Variants in SUCLG2 observed in about 807,000 individuals in gnomAD.
SUCLG2 encodes succinate-CoA ligase GDP-forming subunit beta.
A neutral mutation model predicts 47.9 loss-of-function variants in SUCLG2; 42 were observed. That is an observed-to-expected ratio of 0.88 (90% CI 0.69 to 1.14). The LOEUF (loss-of-function observed/expected upper bound fraction) is 1.14. SUCLG2 is among the 50% of genes most tolerant of loss of function. The probability of loss-of-function intolerance (pLI) is 0.00; values close to 1 mark genes in which losing one functional copy is unlikely to be tolerated. For synonymous variants in SUCLG2, 195 were observed against 197.3 expected, an observed-to-expected ratio of 0.99 and a Z score of 0.10; for missense variants, 571 against 525.9, an observed-to-expected ratio of 1.09 and a Z score of -0.84.
intron 2 of SUCLG2, among the ~76,000 whole-genome samples, chr3:67,540,782 C>T (rs1456057723): frequency 6.6e-6 from 1 of 152,202 alleles, no homozygotes; most frequent in Non-Finnish European, 1.5e-5. Context: ...TCGACAGACA[C>T]CTCATACAGG....
chr3:67,528,999 A>G, intron 3 of SUCLG2, 88 bp downstream of exon 3: 1 of 1,187,876 alleles, frequency 8.4e-7, no homozygotes, highest in African/African-American at 1.5e-5. Context: ...ACCCCACCAC[A>G]ACCAACCTCA....
intron 1 of SUCLG2, among the ~76,000 whole-genome samples, chr3:67,639,673 C>A (rs916271949): frequency 6.6e-6 from 1 of 152,164 alleles, no homozygotes; most frequent in Non-Finnish European, 1.5e-5. Flanking sequence ...CATAGCTGTC[C>A]TGTGGAATTA....
intron 9 of SUCLG2, among the ~76,000 whole-genome samples, chr3:67,437,825 T>G (rs1703662274): frequency 1.3e-5 from 2 of 152,150 alleles, no homozygotes; most frequent in African/African-American, 4.8e-5. Context: ...ACTGAGCCAC[T>G]ATGAAATATC....
intron 9 of SUCLG2, among the ~76,000 whole-genome samples, chr3:67,438,456 G>T (rs1158997559): frequency 1.3e-5 from 2 of 150,918 alleles, no homozygotes; most frequent in Admixed American, 6.6e-5. Context: ...TCCAAGAGCT[G>T]TTTTTTTTTA....
At chr3:67,619,652 C>T (rs762084346) in intron 1 of SUCLG2, among the ~76,000 whole-genome samples, 23 of 152,148 alleles carry the variant, frequency 1.5e-4, no homozygotes, top group Non-Finnish European at 2.5e-4. Context: ...AAAGATACTG[C>T]CTTGTTCTTT....
intron 2 of SUCLG2, among the ~76,000 whole-genome samples, chr3:67,545,204 G>A (rs1198256052): frequency 6.6e-6 from 1 of 152,124 alleles, no homozygotes; most frequent in Non-Finnish European, 1.5e-5. Flanking sequence ...CTTTAAATCT[G>A]CTATAATTCC....
chr3:67,429,215 T>C (rs765742009), intron 9 of SUCLG2, among the ~76,000 whole-genome samples: 15 of 152,162 alleles, frequency 9.9e-5, no homozygotes, highest in Non-Finnish European at 1.6e-4. Context: ...AGTCGGGTTA[T>C]CCACAAAGGG....
chr3:67,635,401 C>A (rs1250092367), intron 1 of SUCLG2, among the ~76,000 whole-genome samples: 2 of 152,164 alleles, frequency 1.3e-5, no homozygotes, highest in Non-Finnish European at 1.5e-5. Context: ...TTGTGTGTAT[C>A]AGACATAAGT....
rs550324404 is a variant in SUCLG2 at position 67,580,150 on chromosome 3, T to C, written c.226+29305A>G. ...CTAATACATTTTTAAAAATCAAACTTCATGGAATAAAGAATACAACGTAAA... is the reference window on the plus strand; with the variant it reads ...CTAATACATTTTTAAAAATCAAACTCCATGGAATAAAGAATACAACGTAAA... On this transcript the variant is annotated intron_variant, in intron 2 of 10. Coordinates refer to ENST00000307227, the MANE Select transcript of SUCLG2 (RefSeq NM_003848.4). 3.9e-5 allele frequency among the ~76,000 whole-genome samples: 6 copies of C among 152,310 alleles called. 1 individual carries two copies. The highest frequency in any genetic ancestry group is 1.4e-4 in the African/African-American group (6 of 41,560).
intron 2 of SUCLG2, among the ~76,000 whole-genome samples, chr3:67,585,932 A>C (rs910535902): frequency 4.5e-4 from 62 of 137,264 alleles, no homozygotes; most frequent in Middle Eastern, 4.3e-3. Context: ...ATGCCACTGC[A>C]CTCCAGCCTG....
intron 1 of SUCLG2, among the ~76,000 whole-genome samples, chr3:67,649,950 C>A (rs77127287): frequency 0.022 from 3,423 of 152,256 alleles, 118 homozygotes; most frequent in African/African-American, 0.078. Flanking sequence ...GGAATGTTCT[C>A]ACTACTGTGG....
At chr3:67,382,831 C>T (rs1318654771) in intron 10 of SUCLG2, among the ~76,000 whole-genome samples, 1 of 152,130 alleles carries the variant, frequency 6.6e-6, no homozygotes, top group Non-Finnish European at 1.5e-5. Flanking sequence ...TTTCTCCCCA[C>T]TGGGAGAGGG....
At chr3:67,361,662 T>C (rs1018174226) in intron 10 of SUCLG2, among the ~76,000 whole-genome samples, 1 of 152,212 alleles carries the variant, frequency 6.6e-6, no homozygotes, top group African/African-American at 2.4e-5. Flanking sequence ...ATTAGATAGA[T>C]TGCATTAACG....
intron 1 of SUCLG2, among the ~76,000 whole-genome samples, chr3:67,639,713 T>C (rs2107366562): frequency 6.6e-6 from 1 of 152,276 alleles, no homozygotes; most frequent in South Asian, 2.1e-4. Flanking sequence ...GGATTCAGTT[T>C]AATAACACAC....
intron 2 of SUCLG2, among the ~76,000 whole-genome samples, chr3:67,534,792 A>AAAAAAAAAAAAAAAAAAAAAAAC (rs1706496073): frequency 7.0e-6 from 1 of 143,728 alleles, no homozygotes; most frequent in African/African-American, 2.6e-5. Flanking sequence ...AAAAAAAAAA[A>AAAAAAAAAAAAAAAAAAAAAAAC]AAAAAAAATG....
chr3:67,547,392 C>T (rs1398617707), intron 2 of SUCLG2, among the ~76,000 whole-genome samples: 2 of 152,174 alleles, frequency 1.3e-5, no homozygotes, highest in Non-Finnish European at 2.9e-5. Flanking sequence ...TAGTGTTTTA[C>T]TCTATTTTCT....
chr3:67,475,080 T>C (rs544319311), intron 9 of SUCLG2, among the ~76,000 whole-genome samples: 1 of 152,140 alleles, frequency 6.6e-6, no homozygotes, highest in South Asian at 2.1e-4. Context: ...TAATGTCATA[T>C]CTTTTGTATT....
chr3:67,622,210 C>T (rs1041365519), intron 1 of SUCLG2, among the ~76,000 whole-genome samples: 8 of 152,258 alleles, frequency 5.3e-5, no homozygotes, highest in Admixed American at 5.2e-4. Context: ...TGAAATATGT[C>T]AATGCAAATA....
intron 9 of SUCLG2, among the ~76,000 whole-genome samples, chr3:67,465,954 G>C (rs1157449616): frequency 1.3e-5 from 2 of 152,082 alleles, no homozygotes; most frequent in East Asian, 3.8e-4. Flanking sequence ...TATAGTCAGA[G>C]CAAGAATCAG....
Sources: allele counts gnomAD v4.1 joint callset (sites outside exome capture counted in the v4.1 genomes callset), GRCh38; gene constraint gnomAD v4.1.1; transcripts MANE v1.5; gene names NCBI Gene and HGNC (gene_info 2026-07-23, HGNC 2026-07-21).